COMMD10: variants seen among roughly 807,000 people sequenced by gnomAD.
COMMD10 encodes COMM domain containing 10, also known as COMM domain-containing protein 10.
In COMMD10, 33 loss-of-function variants were observed where a neutral mutation model predicts 28.9. The ratio of observed to expected loss-of-function variants is 1.14; its 90% CI spans 0.87 to 1.53. The LOEUF is 1.53. Among genes scored for constraint, COMMD10 ranks in the 40% most tolerant of loss-of-function variants. The pLI, the probability that COMMD10 is intolerant of heterozygous loss-of-function variation, is 0.00. For missense variants in COMMD10, 310 were observed against 233.4 expected, an observed-to-expected ratio of 1.33 and a Z score of -2.14; for synonymous variants, 110 against 81.7, an observed-to-expected ratio of 1.35 and a Z score of -1.87.
At chr5:116,209,355 A>G (rs1490802968) in intron 5 of COMMD10, among the ~76,000 whole-genome samples, 6 of 152,176 alleles carry the variant, frequency 3.9e-5, no homozygotes, top group African/African-American at 1.2e-4. Flanking sequence ...ACTGACCACT[A>G]ACAACATAGT....
intron 5 of COMMD10, among the ~76,000 whole-genome samples, chr5:116,241,820 T>C (rs527390426): frequency 1.7e-3 from 257 of 151,682 alleles, no homozygotes; most frequent in African/African-American, 5.9e-3. Flanking sequence ...GATTTCACCA[T>C]GTTAGCCAGG....
intron 5 of COMMD10, among the ~76,000 whole-genome samples, chr5:116,266,607 A>G (rs576890130): frequency 1.3e-5 from 2 of 151,900 alleles, no homozygotes; most frequent in Non-Finnish European, 2.9e-5. Flanking sequence ...TTAAAGTACA[A>G]CAAAAGATAG....
At chr5:116,198,767 C>G (rs916058893) in intron 5 of COMMD10, among the ~76,000 whole-genome samples, 3 of 152,068 alleles carry the variant, frequency 2.0e-5, no homozygotes, top group Non-Finnish European at 4.4e-5. Context: ...TTTAAATTCT[C>G]CATGTCTTTT....
chr5:116,147,525 C>T lies in COMMD10; in HGVS notation c.510+13347C>T, dbSNP rs185608913. Among the ~76,000 whole-genome samples, 1,042 of 151,838 alleles carry T rather than the reference C, an allele frequency of 6.9e-3. 17 individuals carry two copies. The highest frequency in any genetic ancestry group is 7.9e-3 in the Non-Finnish European group (533 of 67,828). The stretch of plus-strand genomic sequence containing the variant: ...TTTTAAGCTTTTAAAAATTGGTTGA[C>T]TATCTGAAATTGACATAAATTTTGC... On this transcript the variant is annotated intron_variant, in intron 5 of 6. Transcript: ENST00000274458.
chr5:116,284,042 C>T (rs1450054927), intron 5 of COMMD10, among the ~76,000 whole-genome samples: 2 of 149,250 alleles, frequency 1.3e-5, no homozygotes, highest in Non-Finnish European at 2.9e-5. Context: ...GCAGGAGGTT[C>T]GTTTACACCC....
At chr5:116,158,256 C>T (rs113172648) in intron 5 of COMMD10, among the ~76,000 whole-genome samples, 677 of 2,736 alleles carry the variant, frequency 0.25, 311 homozygotes, top group Non-Finnish European at 0.34. Flanking sequence ...CTCCGTCTCC[C>T]CTCTCTCCGT....
chr5:116,236,728 G>A (rs1275292702), intron 5 of COMMD10, among the ~76,000 whole-genome samples: 2 of 151,988 alleles, frequency 1.3e-5, no homozygotes, highest in Non-Finnish European at 1.5e-5. Context: ...TAGGGCTCCA[G>A]TAAATACCAT....
At chr5:116,104,333 T>A (rs553193412) in intron 4 of COMMD10, among the ~76,000 whole-genome samples, 1 of 152,338 alleles carries the variant, frequency 6.6e-6, no homozygotes, top group East Asian at 1.9e-4. Flanking sequence ...TGAGCAGTGA[T>A]TTGTAGTTCT....
intron 5 of COMMD10, among the ~76,000 whole-genome samples, chr5:116,266,681 G>T (rs1478911146): frequency 6.6e-6 from 1 of 151,550 alleles, no homozygotes; most frequent in Non-Finnish European, 1.5e-5. Flanking sequence ...GATGAACATC[G>T]ATGCAAAAAT....
chr5:116,232,375 A>G (rs577507871), intron 5 of COMMD10, among the ~76,000 whole-genome samples: 145 of 152,204 alleles, frequency 9.5e-4, no homozygotes, highest in African/African-American at 3.4e-3. Context: ...AAATTGAAAT[A>G]TCAAAATCAT....
chr5:116,100,873 C>G (rs1426971803), intron 4 of COMMD10, among the ~76,000 whole-genome samples: 1 of 152,074 alleles, frequency 6.6e-6, no homozygotes, highest in East Asian at 1.9e-4. Context: ...TAGGTAATTT[C>G]TCATTATCCA....
intron 5 of COMMD10, among the ~76,000 whole-genome samples, chr5:116,247,795 A>G (rs1157094441): frequency 6.6e-6 from 1 of 151,866 alleles, no homozygotes; most frequent in Non-Finnish European, 1.5e-5. Context: ...GAACAACACA[A>G]ACTCTGGGGT....
chr5:116,098,352 C>A (rs941293711), intron 4 of COMMD10, among the ~76,000 whole-genome samples: 1 of 152,164 alleles, frequency 6.6e-6, no homozygotes, highest in Non-Finnish European at 1.5e-5. Flanking sequence ...TAGGGTCCTA[C>A]CCACATAAAC....
chr5:116,166,987 T>G lies in COMMD10; in HGVS notation c.510+32809T>G, dbSNP rs190308481. The stretch of plus-strand genomic sequence containing the variant: ...CTCACCAGCAAGGGAACATAACTGG[T>G]TGGAGAATGAGTTTGACGAATTGAC... On this transcript the variant is annotated intron_variant, in intron 5 of 6. Transcript: ENST00000274458. 2.2e-3 allele frequency among the ~76,000 whole-genome samples: 333 copies of G among 152,186 alleles called. 1 individual carries two copies. Among genetic ancestry groups the G allele is most frequent in the African/African-American group, 7.1e-3 (296 of 41,542 alleles).
At chr5:116,189,586 C>A (rs936765873) in intron 5 of COMMD10, among the ~76,000 whole-genome samples, 6 of 152,180 alleles carry the variant, frequency 3.9e-5, no homozygotes, top group Non-Finnish European at 7.3e-5. Context: ...TGACCAAGAA[C>A]TGGACTAGTA....
chr5:116,247,181 A>T (rs1283902748), intron 5 of COMMD10, among the ~76,000 whole-genome samples: 1 of 152,146 alleles, frequency 6.6e-6, no homozygotes, highest in African/African-American at 2.4e-5. Flanking sequence ...GATACTTTTC[A>T]AAAGAAGATA....
intron 5 of COMMD10, among the ~76,000 whole-genome samples, chr5:116,186,394 G>A (rs534261422): frequency 1.3e-5 from 2 of 151,358 alleles, no homozygotes; most frequent in African/African-American, 2.4e-5. Flanking sequence ...CTCCTTTCTA[G>A]CTCTAAGCAC....
At chr5:116,179,859 C>G (rs1240156499) in intron 5 of COMMD10, among the ~76,000 whole-genome samples, 1 of 151,858 alleles carries the variant, frequency 6.6e-6, no homozygotes, top group Non-Finnish European at 1.5e-5. Context: ...GTAGAAAACT[C>G]AAATCTACAA....
intron 5 of COMMD10, among the ~76,000 whole-genome samples, chr5:116,279,976 A>G (rs1163356283): frequency 6.6e-6 from 1 of 152,026 alleles, no homozygotes; most frequent in East Asian, 1.9e-4. Context: ...CATAGGTTCT[A>G]TGTATTATCT....
Sources: gnomAD v4.1 joint callset for allele counts (sites outside exome capture counted in the v4.1 genomes callset) on GRCh38, gnomAD v4.1.1 for gene constraint, MANE v1.5 for transcripts, NCBI Gene and HGNC (gene_info 2026-07-23, HGNC 2026-07-21) for gene names.